EEF2K: variants seen among roughly 807,000 people sequenced by gnomAD.
EEF2K encodes the protein eukaryotic elongation factor 2 kinase.
In EEF2K, 70 loss-of-function variants were observed where a neutral mutation model predicts 93.8. The observed-to-expected ratio is 0.75, with a 90% CI of 0.62 to 0.91. EEF2K has a LOEUF of 0.91. Ranked by LOEUF, EEF2K falls within the 40% of genes least tolerant of loss-of-function variation. The probability of loss-of-function intolerance (pLI) is 0.00; values close to 1 mark genes in which losing one functional copy is unlikely to be tolerated. For synonymous variants in EEF2K, 376 were observed against 380.8 expected, an observed-to-expected ratio of 0.99 and a Z score of 0.15; for missense variants, 935 against 972.9, an observed-to-expected ratio of 0.96 and a Z score of 0.52.
intron 17 of EEF2K, among the ~76,000 whole-genome samples, chr16:22,281,381 A>G (rs1362268862): frequency 6.6e-6 from 1 of 152,164 alleles, no homozygotes; most frequent in African/African-American, 2.4e-5. Flanking sequence ...CTGGGACTAC[A>G]GGCACTTGCT....
At chr16:22,237,973 T>C (rs1033484871) in intron 2 of EEF2K, among the ~76,000 whole-genome samples, 21 of 152,254 alleles carry the variant, frequency 1.4e-4, no homozygotes, top group African/African-American at 5.1e-4. Flanking sequence ...ACTTGCTTTT[T>C]TCCCCCCTAA....
chr16:22,236,328 G>C (rs1218019208), intron 2 of EEF2K, among the ~76,000 whole-genome samples: 1 of 148,556 alleles, frequency 6.7e-6, no homozygotes, highest in East Asian at 2.0e-4. Flanking sequence ...GGCTGTCTCT[G>C]AGTTGTATTT....
rs1160082639 is a variant in EEF2K, at chr16:22,257,299, T to G, written c.815T>G (p.Val272Gly). The change falls in exon 8 of 18, where the codon GTG (valine) becomes GGG (glycine). Residue 272 changes from valine to glycine, a missense_variant. Transcript: ENST00000263026. ...TFERSGHQLI[V>G]VDIQGVGDLY... The stretch of plus-strand genomic sequence containing the variant: ...GAGCGTTCCGGCCATCAGCTGATAG[T>G]GGTGGACATCCAGGGAGTTGGGGAT... The G allele has an allele frequency of 2.4e-5, 38 of 1,614,068 alleles. No homozygotes were observed. Among genetic ancestry groups the G allele is most frequent in the Non-Finnish European group, 3.2e-5 (38 of 1,179,990 alleles).
rs777550326 is a variant in EEF2K at position 22,251,149 on chromosome 16, A to G, written c.447-2A>G. The G allele has an allele frequency of 3.7e-6, 6 of 1,612,980 alleles. No individual in the cohort carries two copies. In the South Asian group the frequency reaches 6.6e-5, roughly 18 times the overall value. On this transcript the variant is annotated splice_acceptor_variant, in intron 5 of 17. Coordinates refer to ENST00000263026, the MANE Select transcript of EEF2K (RefSeq NM_013302.5). LOFTEE classifies it high-confidence loss of function. ...TAGGCCCCCTGTTGCCTCTTCCCAC[A>G]GGAAGAAGCTCTCCAACTTCTTGCA...
chr16:22,226,462 C>A (rs770841174), intron 2 of EEF2K, among the ~76,000 whole-genome samples: 17 of 148,512 alleles, frequency 1.1e-4, no homozygotes, highest in Admixed American at 8.0e-4. Context: ...TAGAAAATCC[C>A]CAAACTAAGG....
rs1316176599 is a variant in EEF2K at position 22,280,396 on chromosome 16, C to G, written c.2068+20C>G. 6.8e-7 allele frequency: 1 copy of G among 1,463,876 alleles called. No individual in the cohort carries two copies. Among genetic ancestry groups the G allele is most frequent in the Non-Finnish European group, 9.1e-7 (1 of 1,100,624 alleles). The allele number at this position is 1,463,876 out of a possible 1,614,324, so 90.7% of individuals were successfully genotyped here. A position where few individuals can be genotyped will look rare whatever the true frequency, so the allele number is the denominator to read the frequency against. On this transcript the variant is annotated intron_variant, in intron 17 of 17. Transcript: ENST00000263026. ...GATCAGGTAGGGCCTGGCAGACCTG[C>G]CCCTGGGCTGCAACAGGGCTGGGCA...
At chr16:22,208,394 G>T (rs2046884505) in intron 1 of EEF2K, among the ~76,000 whole-genome samples, 1 of 152,086 alleles carries the variant, frequency 6.6e-6, no homozygotes, top group Non-Finnish European at 1.5e-5. Flanking sequence ...ATGTTGGCAT[G>T]AGCCTGTAAT....
intron 15 of EEF2K, among the ~76,000 whole-genome samples, chr16:22,268,211 CT>C (rs1478801783): frequency 1.3e-5 from 2 of 152,222 alleles, no homozygotes; most frequent in Middle Eastern, 3.4e-3. Flanking sequence ...CAGAGTCTCG[CT>C]TTGTTGCCCA....
intron 6 of EEF2K, among the ~76,000 whole-genome samples, chr16:22,254,065 C>T (rs1442941614): frequency 6.6e-6 from 1 of 152,112 alleles, no homozygotes; most frequent in Non-Finnish European, 1.5e-5. Flanking sequence ...GGCTACTGCA[C>T]TCCGGCCTGG....
chr16:22,267,962 T>TCCC (rs2047541345), intron 15 of EEF2K, among the ~76,000 whole-genome samples: 1 of 152,052 alleles, frequency 6.6e-6, no homozygotes, highest in African/African-American at 2.4e-5. Flanking sequence ...GTTCCCATCC[T>TCCC]CCCCATCACG....
Position 22,206,290 on chromosome 16 carries a change from C to G in EEF2K, c.-466C>G, listed in dbSNP as rs1015616506. On this transcript the variant is annotated 5_prime_UTR_variant, in exon 1 of 18. Transcript: ENST00000263026. The stretch of plus-strand genomic sequence containing the variant: ...CCCGCCCGCTTCTGCTCAACCTAGA[C>G]CAGCCCCAGCTTCAGCCTCAGCTCC... The G allele has an allele frequency of 2.3e-4, 35 of 151,772 alleles. No homozygotes were observed. Among genetic ancestry groups the G allele is most frequent in the African/African-American group, 8.5e-4 (35 of 41,296 alleles). The allele number at this position is 151,772 out of a possible 1,614,324, so 9.4% of individuals were successfully genotyped here. A position where few individuals can be genotyped will look rare whatever the true frequency, so the allele number is the denominator to read the frequency against.
chr16:22,279,394 C>T (rs1040789491), intron 16 of EEF2K, among the ~76,000 whole-genome samples: 1 of 151,994 alleles, frequency 6.6e-6, no homozygotes, highest in Non-Finnish European at 1.5e-5. Context: ...TCCATCACCA[C>T]ACCCAGCTTT....
At chr16:22,267,451 C>T (rs1440558762) in intron 15 of EEF2K, among the ~76,000 whole-genome samples, 2 of 151,980 alleles carry the variant, frequency 1.3e-5, no homozygotes, top group Non-Finnish European at 2.9e-5. Flanking sequence ...AAAAGTTAGC[C>T]GGACGTGGTG....
intron 6 of EEF2K, among the ~76,000 whole-genome samples, chr16:22,254,751 T>G (rs2141672279): frequency 6.6e-6 from 1 of 152,270 alleles, no homozygotes; most frequent in Admixed American, 6.5e-5. Flanking sequence ...TGGTTTATAT[T>G]TCTCTAGAAT....
At chr16:22,241,636 CAAAAAAAAA>C (rs71151666) in intron 2 of EEF2K, among the ~76,000 whole-genome samples, 1 of 49,190 alleles carries the variant, frequency 2.0e-5, no homozygotes, top group Non-Finnish European at 3.8e-5. Context: ...GAGACTGTCT[CAAAAAAAAA>C]AAAAAAAAAA....
In EEF2K at chr16:22,285,503, A is replaced by T. The variant is rs1014693378; in HGVS notation, c.*1507A>T. On this transcript the variant is annotated 3_prime_UTR_variant, in exon 18 of 18. Coordinates refer to ENST00000263026, the MANE Select transcript of EEF2K (RefSeq NM_013302.5). ...AATGGAATTCAGCTCTCACATTAGT[A>T]TGATTTCATTTGATGTTTCAAATAG... 6.6e-6 allele frequency: 1 copy of T among 152,200 alleles called. No individual in the cohort carries two copies. The highest frequency in any genetic ancestry group is 1.5e-5 in the Non-Finnish European group (1 of 68,046). 9.4% of individuals were successfully genotyped at this position (152,200 alleles called of 1,614,324 possible). A position where few individuals can be genotyped will look rare whatever the true frequency, so the allele number is the denominator to read the frequency against.
At chr16:22,270,610 G>C (rs1371735649) in intron 15 of EEF2K, among the ~76,000 whole-genome samples, 2 of 152,162 alleles carry the variant, frequency 1.3e-5, no homozygotes, top group Non-Finnish European at 2.9e-5. Context: ...GGGCATACCT[G>C]TGAGCTATTG....
chr16:22,248,938 CTTTG>C (rs888721353), intron 4 of EEF2K, 123 bp downstream of exon 4: 1 of 695,414 alleles, frequency 1.4e-6, no homozygotes, highest in African/African-American at 2.0e-5. Flanking sequence ...TCGGGGGATT[CTTTG>C]TTATTGTTTA....
chr16:22,239,053 C>T (rs1294484703), intron 2 of EEF2K, among the ~76,000 whole-genome samples: 2 of 149,678 alleles, frequency 1.3e-5, no homozygotes, highest in Non-Finnish European at 3.0e-5. Flanking sequence ...GAGTCAGGGA[C>T]ATGAATGTTA....
Sources: gnomAD v4.1 joint callset for allele counts (sites outside exome capture counted in the v4.1 genomes callset) on GRCh38, gnomAD v4.1.1 for gene constraint, MANE v1.5 for transcripts, NCBI Gene and HGNC (gene_info 2026-07-23, HGNC 2026-07-21) for gene names.